The following NES variants were observed in gnomAD, a reference collection of about 807,000 sequenced individuals.
NES encodes nestin.
In NES, 27 loss-of-function variants were observed where a neutral mutation model predicts 35.6. The observed-to-expected ratio is 0.76, with a 90% confidence interval of 0.56 to 1.04. The LOEUF (loss-of-function observed/expected upper bound fraction) is 1.04. Ranked by LOEUF, NES falls within the 50% of genes least tolerant of loss-of-function variation. NES has a pLI of 0.00. For synonymous variants in NES, 822 were observed against 824.2 expected (o/e 1.00, Z 0.04); for missense variants, 1,867 against 1,983.6 (o/e 0.94, Z 1.12).
rs761350709 is a variant in NES, at chr1:156,670,995, G to A, written c.3193C>T (p.Pro1065Ser). ...GGGGCCACATCATCTTCCACCAGGGGCTCTATCGCCTCTGGCAGCCCCTGG... is the reference window on the plus strand; with the variant it reads ...GGGGCCACATCATCTTCCACCAGGGACTCTATCGCCTCTGGCAGCCCCTGG... ...APQGLPEAIEPLVEDDVAPGG... is the reference protein window; with the variant it reads ...APQGLPEAIESLVEDDVAPGG... The change falls in exon 4 of 4, where the codon CCC becomes TCC. Residue 1065 changes from proline to serine, a missense_variant. Transcript: ENST00000368223. The A allele has an allele frequency of 6.2e-7, 1 of 1,611,130 alleles. No homozygotes were observed. Among genetic ancestry groups the A allele is most frequent in the Admixed American group, 1.7e-5 (1 of 59,810 alleles).
chr1:156,673,141 T>G lies in NES; in HGVS notation c.1047A>C (p.Pro349=). The G allele has an allele frequency of 6.4e-7, 1 of 1,554,790 alleles. No individual in the cohort carries two copies. Among genetic ancestry groups the G allele is most frequent in the South Asian group, 1.2e-5 (1 of 82,596 alleles). The part of the protein sequence containing the change: ...PEGRRLGSLL[P]VLSPTSLPSP... ...AGGGGAGGGAAGTTGGGCTCAGGACTGGGAGCAAAGATCCAAGACGCCGGC... is the reference window on the plus strand; with the variant it reads ...AGGGGAGGGAAGTTGGGCTCAGGACGGGGAGCAAAGATCCAAGACGCCGGC... The change falls in exon 4 of 4, where the codon CCA becomes CCC. Residue 349 remains proline (P), a synonymous_variant. Transcript: ENST00000368223.
rs1377850308 is a variant in NES at position 156,671,293 on chromosome 1, G to C, written c.2895C>G (p.Ser965Arg). 2 of 1,613,984 alleles carry C rather than the reference G, an allele frequency of 1.2e-6. No individual in the cohort carries two copies. The highest frequency in any genetic ancestry group is 1.7e-5 in the Admixed American group (1 of 60,008). Residue 965 changes from serine to arginine, a missense_variant, in exon 4 of 4, where the codon AGC becomes AGG. Physicochemically the swap from Ser to Arg is moderately radical, Grantham distance 110. Coordinates refer to ENST00000368223, the MANE Select transcript of NES (RefSeq NM_006617.2). ...VEKDQELAQE[S>R]PPGMAGVENE... ...TTTCCACTCCAGCCATCCCAGGAGG[G>C]CTTTCCTGAGCCAGTTCTTGGTCCT...
chr1:156,672,768 GGTCA>G lies in NES; in HGVS notation c.1416_1419del (p.Asp473ThrfsTer4). The G allele has an allele frequency of 6.2e-7, 1 of 1,613,520 alleles. No individual in the cohort carries two copies. The highest frequency in any genetic ancestry group is 1.3e-5 in the African/African-American group (1 of 75,062). ...CCATCCTTAGCCTCTAAACTGGAGT[GGTCA>G]GGGCTGAGGGGTGGTGCCAAGGAGG... is the stretch of plus-strand genomic sequence containing the variant. On this transcript the variant is annotated frameshift_variant, in exon 4 of 4. Coordinates refer to ENST00000368223, the MANE Select transcript of NES (RefSeq NM_006617.2). LOFTEE classifies it low-confidence loss of function (END_TRUNC).
chr1:156,676,920 G>T lies in NES; in HGVS notation c.345C>A (p.Ala115=), dbSNP rs774963481. The T allele has an allele frequency of 3.9e-6, 6 of 1,552,814 alleles. No homozygotes were observed. In the South Asian group the frequency reaches 5.8e-5, roughly 15 times the overall value. The change falls in exon 1 of 4, where the codon GCC becomes GCA. Residue 115 remains alanine, a synonymous_variant. Transcript: ENST00000368223. This position sits in a 1 kb window ranked among gnomAD's most constrained non-coding sequence, Gnocchi z 5.3. The part of the protein sequence containing the change: ...TTEEVARNRR[A]VEAEKCARAW... ...CCCGGGCGCATTTCTCTGCCTCGAC[G>T]GCGCGCCGGTTGCGGGCTACCTCCT...
chr1:156,669,727 C>T lies in NES; in HGVS notation c.4461G>A (p.Thr1487=), dbSNP rs147553599. Residue 1487 remains threonine, a synonymous_variant, in exon 4 of 4, where the codon ACG becomes ACA. Coordinates refer to ENST00000368223, the MANE Select transcript of NES (RefSeq NM_006617.2). ...VAGAPKTALE[T]ESQDSAEPSG... ...AAGGCTCAGCACTGTCCTGGGACTC[C>T]GTTTCCAGGGCAGTCTTGGGGGCAC... The T allele has an allele frequency of 2.9e-5, 47 of 1,614,004 alleles. 1 individual carries two copies. The African/African-American group carries it at 2.9e-4, about 10-fold the overall frequency.
chr1:156,669,245 G>T lies in NES; in HGVS notation c.*77C>A. 2.0e-6 allele frequency: 2 copies of T among 979,570 alleles called. No individual in the cohort carries two copies. Among genetic ancestry groups the T allele is most frequent in the Non-Finnish European group, 3.0e-6 (2 of 664,032 alleles). The allele number at this position is 979,570 out of a possible 1,614,324, so 60.7% of individuals were successfully genotyped here. On this transcript the variant is annotated 3_prime_UTR_variant, in exon 4 of 4. Transcript: ENST00000368223. ...ATCGTAAGTTAAGAGTGCTGCTCCT[G>T]AGCAGGGAGCGGGCTTGGAGGCGTC...
At chr1:156,675,825 C>G (rs112845008) in intron 1 of NES, among the ~76,000 whole-genome samples, 5,040 of 152,292 alleles carry the variant, frequency 0.033, 307 homozygotes, top group African/African-American at 0.11. Flanking sequence ...GCTCTCACCC[C>G]CGCCCCACCC....
rs74118732 is a variant in NES, at chr1:156,672,326, T to C, written c.1862A>G (p.Asp621Gly). 7 of 1,611,296 alleles carry C rather than the reference T, an allele frequency of 4.3e-6. No homozygotes were observed. Among genetic ancestry groups the C allele is most frequent in the Non-Finnish European group, 5.9e-6 (7 of 1,179,424 alleles). The change falls in exon 4 of 4, where the codon GAC becomes GGC. Residue 621 changes from aspartate to glycine, a missense_variant. Coordinates refer to ENST00000368223, the MANE Select transcript of NES (RefSeq NM_006617.2). Reference sequence around the variant, plus strand: ...TTGCAGGGATTGCAATGTCTGTGTGTCCTCTTTTCCTGTAGGCTTAAGTTG... The same window carrying C: ...TTGCAGGGATTGCAATGTCTGTGTGCCCTCTTTTCCTGTAGGCTTAAGTTG... ...VGQLKPTGKE[D>G]TQTLQSLQKE...
chr1:156,669,198 G>A lies in NES; in HGVS notation c.*124C>T. The A allele has an allele frequency of 1.5e-6, 1 of 648,458 alleles. No individual in the cohort carries two copies. The highest frequency in any genetic ancestry group is 2.5e-6 in the Non-Finnish European group (1 of 406,696). The allele number at this position is 648,458 out of a possible 1,614,324, so 40.2% of individuals were successfully genotyped here. On this transcript the variant is annotated 3_prime_UTR_variant, in exon 4 of 4. Transcript: ENST00000368223. ...TCACCTTAGCGGGCCAGGCCTCTCA[G>A]CCAGAAACCATATGTCAAGAGATCG...
Position 156,669,059 on chromosome 1 carries a change from A to C in NES, c.*263T>G. The C allele has an allele frequency of 2.8e-6, 1 of 362,008 alleles. No individual in the cohort carries two copies. The highest frequency in any genetic ancestry group is 5.0e-6 in the Non-Finnish European group (1 of 201,016). The allele number at this position is 362,008 out of a possible 1,614,324, so 22.4% of individuals were successfully genotyped here. A position where few individuals can be genotyped will look rare whatever the true frequency, so the allele number is the denominator to read the frequency against. On this transcript the variant is annotated 3_prime_UTR_variant, in exon 4 of 4. Coordinates refer to ENST00000368223, the MANE Select transcript of NES (RefSeq NM_006617.2). ...GGGAAGGGGACCTAGTACTATCGGG[A>C]TTCAGCTGACTTAGCCTATGAGATG...
At position 156,671,493 on chromosome 1, in the gene NES, T is replaced by C. The variant is rs1182253550; in HGVS notation, c.2695A>G (p.Asn899Asp). Residue 899 changes from asparagine (N) to aspartate (D), a missense_variant, in exon 4 of 4, where the codon AAC (asparagine) becomes GAC (aspartate). By Grantham distance (23) the Asn-to-Asp change is conservative (BLOSUM62 1). Coordinates refer to ENST00000368223, the MANE Select transcript of NES (RefSeq NM_006617.2). ...QESLRSLGAW[N>D]LENLRSPEEV... ...TCTGGAGATCTCAAATTCTCCAGGT[T>C]CCATGCTCCCAGAGATCTCAATGAT... 1 of 1,614,016 alleles carries C rather than the reference T, an allele frequency of 6.2e-7. No homozygotes were observed. The highest frequency in any genetic ancestry group is 1.6e-4 in the Middle Eastern group (1 of 6,062).
At position 156,669,256 on chromosome 1, in the gene NES, G is replaced by C; in HGVS notation, c.*66C>G. On this transcript the variant is annotated 3_prime_UTR_variant, in exon 4 of 4. Coordinates refer to ENST00000368223, the MANE Select transcript of NES (RefSeq NM_006617.2). Reference sequence around the variant, plus strand: ...AGAGTGCTGCTCCTGAGCAGGGAGCGGGCTTGGAGGCGTCCTTCCCCTCCC... The same window carrying C: ...AGAGTGCTGCTCCTGAGCAGGGAGCCGGCTTGGAGGCGTCCTTCCCCTCCC... 1 of 1,107,368 alleles carries C rather than the reference G, an allele frequency of 9.0e-7. No homozygotes were observed. The highest frequency in any genetic ancestry group is 1.3e-6 in the Non-Finnish European group (1 of 776,682). 68.6% of individuals were successfully genotyped at this position (1,107,368 alleles called of 1,614,324 possible). A position where few individuals can be genotyped will look rare whatever the true frequency, so the allele number is the denominator to read the frequency against.
Position 156,669,615 on chromosome 1 carries a change from C to T in NES, c.4573G>A (p.Asp1525Asn). Residue 1525 changes from aspartate (D) to asparagine (N), a missense_variant, in exon 4 of 4, where the codon GAT becomes AAT. Coordinates refer to ENST00000368223, the MANE Select transcript of NES (RefSeq NM_006617.2). Reference sequence around the variant, plus strand: ...ATGATGTCTGCCCCTGGGCCTGCATCCTCCATCCCACTGGGGATCTCTAGA... The same window carrying T: ...ATGATGTCTGCCCCTGGGCCTGCATTCTCCATCCCACTGGGGATCTCTAGA... ...GPLEIPSGMEDAGPGADIIGV... is the reference protein window; with the variant it reads ...GPLEIPSGMENAGPGADIIGV... 1.9e-6 allele frequency: 3 copies of T among 1,614,138 alleles called. No individual in the cohort carries two copies. The highest frequency in any genetic ancestry group is 2.2e-5 in the East Asian group (1 of 44,880).
chr1:156,671,458 G>C lies in NES; in HGVS notation c.2730C>G (p.Asp910Glu), dbSNP rs1679730373. ...CTTCCAGATTCCTTTGACTTTCCTTGTCTACCTCCTCTGGAGATCTCAAAT... is the reference window on the plus strand; with the variant it reads ...CTTCCAGATTCCTTTGACTTTCCTTCTCTACCTCCTCTGGAGATCTCAAAT... ...LENLRSPEEV[D>E]KESQRNLEEE... The change falls in exon 4 of 4, where the codon GAC (aspartate) becomes GAG (glutamate). Residue 910 changes from aspartate (D) to glutamate (E), a missense_variant. Asp to Glu is a conservative substitution (Grantham distance 45). Coordinates refer to ENST00000368223, the MANE Select transcript of NES (RefSeq NM_006617.2). 2 of 1,613,688 alleles carry C rather than the reference G, an allele frequency of 1.2e-6. No individual in the cohort carries two copies. Among genetic ancestry groups the C allele is most frequent in the Admixed American group, 3.3e-5 (2 of 59,986 alleles).
rs769154453 is a variant in NES at position 156,672,969 on chromosome 1, C to G, written c.1219G>C (p.Ala407Pro). 2 of 1,614,078 alleles carry G rather than the reference C, an allele frequency of 1.2e-6. No individual in the cohort carries two copies. The highest frequency in any genetic ancestry group is 2.2e-5 in the South Asian group (2 of 91,082). Residue 407 changes from alanine (A) to proline (P), a missense_variant, in exon 4 of 4, where the codon GCC becomes CCC. Transcript: ENST00000368223. The stretch of plus-strand genomic sequence containing the variant: ...AGCAGAGAGAGAGGAGCATCCTGGG[C>G]TCTGATCTCTGCATCTACAGCAGGA... ...PSPAVDAEIR[A>P]QDAPLSLLQT...
Position 156,670,944 on chromosome 1 carries a change from C to T in NES, c.3244G>A (p.Val1082Ile). 6.4e-7 allele frequency: 1 copy of T among 1,550,484 alleles called. No individual in the cohort carries two copies. Among genetic ancestry groups the T allele is most frequent in the East Asian group, 2.5e-5 (1 of 39,950 alleles). The change falls in exon 4 of 4, where the codon GTC (valine) becomes ATC (isoleucine). Residue 1082 changes from valine to isoleucine, a missense_variant. Val to Ile is a conservative substitution (Grantham distance 29, BLOSUM62 3). Coordinates refer to ENST00000368223, the MANE Select transcript of NES (RefSeq NM_006617.2). The stretch of plus-strand genomic sequence containing the variant: ...ATGGCAGGCTCTGACCCCAACATGA[C>T]CTCTGGGGAGGCTTGGTCACCCCCT... ...APGGDQASPE[V>I]MLGSEPAMGE...
At position 156,677,065 on chromosome 1, in the gene NES, A is replaced by G. The variant is rs1311506501; in HGVS notation, c.200T>C (p.Val67Ala). ...GTGCTTCTCCCGCCAGCGTTGGTCA[A>G]CGAGGGCCCGCAGGGCCGCCAGCTC... Reference protein sequence around the residue: ...DDELAALRALVDQRWREKHAA... With the variant: ...DDELAALRALADQRWREKHAA... Residue 67 changes from valine (V) to alanine (A), a missense_variant, in exon 1 of 4, where the codon GTT (valine) becomes GCT (alanine). Val to Ala is a moderately conservative substitution (Grantham distance 64). Transcript: ENST00000368223. This position sits in a 1 kb window ranked among gnomAD's most constrained non-coding sequence, Gnocchi z 4.5. The G allele has an allele frequency of 1.7e-5, 27 of 1,598,872 alleles. No homozygotes were observed. The highest frequency in any genetic ancestry group is 2.3e-5 in the Non-Finnish European group (27 of 1,174,584).
chr1:156,676,423 T>A lies in NES; in HGVS notation c.783+59A>T. On this transcript the variant is annotated intron_variant, in intron 1 of 3. Transcript: ENST00000368223. The surrounding 1 kb of genome is among the most constrained non-coding windows in gnomAD (Gnocchi z 5.3). ...CTTCCCAGAAGGTCTCTGAGCTTCA[T>A]AAGGGACTTTCTGGAGCTTTCTGGG... 6 of 1,559,588 alleles carry A rather than the reference T, an allele frequency of 3.8e-6. No individual in the cohort carries two copies. The highest frequency in any genetic ancestry group is 5.2e-6 in the Non-Finnish European group (6 of 1,148,924).
intron 2 of NES, among the ~76,000 whole-genome samples, chr1:156,674,578 C>T (rs941538395): frequency 2.6e-5 from 4 of 152,226 alleles, no homozygotes; most frequent in South Asian, 2.1e-4. Flanking sequence ...GAAGAGACTG[C>T]GGGCTTTGCC....
Sources: allele counts gnomAD v4.1 joint callset (sites outside exome capture counted in the v4.1 genomes callset), GRCh38; gene constraint gnomAD v4.1.1; non-coding constraint Gnocchi (gnomAD v3.1); transcripts MANE v1.5; gene names NCBI Gene and HGNC (gene_info 2026-07-23, HGNC 2026-07-21).